Variants in GRIK3 observed in about 807,000 individuals in gnomAD.
GRIK3 encodes the protein glutamate receptor ionotropic, kainate 3.
A neutral mutation model predicts 102.5 loss-of-function variants in GRIK3; 29 were observed. That is an observed-to-expected ratio of 0.28 (90% CI 0.21 to 0.39). GRIK3 has a LOEUF of 0.39. Ranked by LOEUF, GRIK3 falls within the 10% of genes least tolerant of loss-of-function variation. The pLI is 1.00. For missense variants in GRIK3, 908 were observed against 1,252.4 expected, an observed-to-expected ratio of 0.73 and a Z score of 4.15; for synonymous variants, 511 against 504.9, an observed-to-expected ratio of 1.01 and a Z score of -0.16.
chr1:36,934,579 C>T (rs537191059), intron 1 of GRIK3, among the ~76,000 whole-genome samples: 2 of 152,280 alleles, frequency 1.3e-5, no homozygotes, highest in Non-Finnish European at 2.9e-5. Context: ...TTCCCGACCT[C>T]CCAGTCCTCA....
chr1:36,903,445 G>A (rs1394057281), intron 1 of GRIK3, among the ~76,000 whole-genome samples: 2 of 152,176 alleles, frequency 1.3e-5, no homozygotes, highest in Admixed American at 6.5e-5. Context: ...ACTCTTACAC[G>A]CAAGTGCAAT....
intron 1 of GRIK3, among the ~76,000 whole-genome samples, chr1:36,954,229 G>A (rs1438833529): frequency 2.0e-5 from 3 of 152,204 alleles, no homozygotes; most frequent in Non-Finnish European, 4.4e-5. Flanking sequence ...CCTCTCTCTA[G>A]CACACCTTAC....
chr1:36,970,994 G>T (rs569116352), intron 1 of GRIK3, among the ~76,000 whole-genome samples: 4 of 152,306 alleles, frequency 2.6e-5, no homozygotes, highest in African/African-American at 9.6e-5. Context: ...GCCATGCAAA[G>T]CTGTGAGACA....
intron 1 of GRIK3, among the ~76,000 whole-genome samples, chr1:36,965,177 C>A (rs1419085258): frequency 6.6e-6 from 1 of 152,142 alleles, no homozygotes; most frequent in Non-Finnish European, 1.5e-5. Context: ...CCTCGCCTGT[C>A]AAATGAACGA....
chr1:36,880,653 C>T lies in GRIK3; in HGVS notation c.531G>A (p.Val177=), dbSNP rs751614856. 6.2e-7 allele frequency: 1 copy of T among 1,614,124 alleles called. No individual in the cohort carries two copies. The highest frequency in any genetic ancestry group is 8.5e-7 in the Non-Finnish European group (1 of 1,179,988). Residue 177 remains valine (V), a synonymous_variant, in exon 3 of 16, where the codon GTG becomes GTA. Coordinates refer to ENST00000373091, the MANE Select transcript of GRIK3 (RefSeq NM_000831.4). This position sits in a 1 kb window ranked among gnomAD's most constrained non-coding sequence, Gnocchi z 5.4. The part of the protein sequence containing the change: ...VQYLKWRSAT[V]VYDDSTGLIR... Reference sequence around the variant, plus strand: ...ACCCACCTGTACTGTCGTCATAGACCACGGTGGCTGACCGCCACTTGAGGT... The same window carrying T: ...ACCCACCTGTACTGTCGTCATAGACTACGGTGGCTGACCGCCACTTGAGGT...
At chr1:37,026,792 C>G (rs1468324925) in intron 1 of GRIK3, among the ~76,000 whole-genome samples, 1 of 152,042 alleles carries the variant, frequency 6.6e-6, no homozygotes, top group Non-Finnish European at 1.5e-5. Flanking sequence ...CACATTTCAT[C>G]AGACCCAAGA....
intron 1 of GRIK3, among the ~76,000 whole-genome samples, chr1:37,019,214 G>A (rs1430133889): frequency 6.6e-6 from 1 of 152,164 alleles, no homozygotes; most frequent in Non-Finnish European, 1.5e-5. Flanking sequence ...GTTCAGTTCT[G>A]CTAAAAGACA....
At chr1:36,893,697 T>A (rs1047202890) in intron 1 of GRIK3, among the ~76,000 whole-genome samples, 1 of 152,110 alleles carries the variant, frequency 6.6e-6, no homozygotes, top group Non-Finnish European at 1.5e-5. Context: ...TATCTAGAAA[T>A]GGACTCTAAC....
chr1:37,025,741 T>C (rs1642758864), intron 1 of GRIK3, among the ~76,000 whole-genome samples: 1 of 152,254 alleles, frequency 6.6e-6, no homozygotes, highest in Non-Finnish European at 1.5e-5. Flanking sequence ...CCTGTCTGCA[T>C]CAGTCCCTTT....
intron 1 of GRIK3, among the ~76,000 whole-genome samples, chr1:36,897,524 C>T (rs1641184856): frequency 6.6e-6 from 1 of 152,052 alleles, no homozygotes; most frequent in African/African-American, 2.4e-5. Context: ...ATACAAATGG[C>T]AAGCAGGCAT....
At chr1:36,957,538 GT>G (rs1641933448) in intron 1 of GRIK3, among the ~76,000 whole-genome samples, 1 of 34,378 alleles carries the variant, frequency 2.9e-5, no homozygotes, top group African/African-American at 9.4e-5. Context: ...TGTGCCCCGT[GT>G]CCTGTGCCCC....
Position 36,859,931 on chromosome 1 carries a change from G to C in GRIK3, c.873C>G (p.His291Gln). 6.2e-7 allele frequency: 1 copy of C among 1,613,570 alleles called. No homozygotes were observed. Residue 291 changes from histidine (H) to glutamine (Q), a missense_variant, in exon 6 of 16, where the codon CAC becomes CAG. Around this residue, in one of 3 missense-constraint regions of GRIK3, gnomAD observed 585 missense variants for 824.9 expected, o/e 0.71. Coordinates refer to ENST00000373091, the MANE Select transcript of GRIK3 (RefSeq NM_000831.4). Reference sequence around the variant, plus strand: ...ACCACTTCTCCACAATGGCCGAGACGTGTGGGTTGTCCACATTGAGAATCC... The same window carrying C: ...ACCACTTCTCCACAATGGCCGAGACCTGTGGGTTGTCCACATTGAGAATCC... ...GFRILNVDNP[H>Q]VSAIVEKWSM... is the part of the protein sequence containing the mutation.
intron 1 of GRIK3, among the ~76,000 whole-genome samples, chr1:36,969,980 G>A (rs1642124214): frequency 6.6e-6 from 1 of 152,208 alleles, no homozygotes; most frequent in Admixed American, 6.5e-5. Flanking sequence ...TATAACATCA[G>A]TGTTATCTCC....
chr1:36,850,403 C>T lies in GRIK3; in HGVS notation c.1234G>A (p.Asp412Asn), dbSNP rs201211987. 698 of 1,612,552 alleles carry T rather than the reference C, an allele frequency of 4.3e-4. No homozygotes were observed. Among genetic ancestry groups the T allele is most frequent in the Non-Finnish European group, 4.7e-4 (556 of 1,178,598 alleles). ...GCAACCTCAGTGATGTTGAGCCCGT[C>T]GGCAGGACTCCACACCCCAACCTGG... ...LEKVGVWSPA[D>N]GLNITEVAKG... is the part of the protein sequence containing the mutation. The change falls in exon 9 of 16, where the codon GAC becomes AAC. Residue 412 changes from aspartate to asparagine, a missense_variant. Around this residue, in one of 3 missense-constraint regions of GRIK3, gnomAD observed 585 missense variants for 824.9 expected, o/e 0.71. Transcript: ENST00000373091. This position sits in a 1 kb window ranked among gnomAD's most constrained non-coding sequence, Gnocchi z 4.0.
chr1:36,885,508 A>G (rs1641028295), intron 2 of GRIK3, among the ~76,000 whole-genome samples: 1 of 152,176 alleles, frequency 6.6e-6, no homozygotes, highest in Admixed American at 6.5e-5. Context: ...GGTGGTGATG[A>G]TGATGATGAC....
intron 5 of GRIK3, among the ~76,000 whole-genome samples, chr1:36,862,957 A>G (rs1640743821): frequency 6.6e-6 from 1 of 152,154 alleles, no homozygotes; most frequent in African/African-American, 2.4e-5. Context: ...GTGTCTTCCT[A>G]CCTTACTCGT....
chr1:36,851,638 G>A (rs1570760060), intron 8 of GRIK3, among the ~76,000 whole-genome samples: 1 of 152,250 alleles, frequency 6.6e-6, no homozygotes, highest in Non-Finnish European at 1.5e-5. Flanking sequence ...GAGATGTGAG[G>A]CCAGTTAGGA....
intron 15 of GRIK3, among the ~76,000 whole-genome samples, chr1:36,803,317 G>A (rs1282045290): frequency 6.6e-6 from 1 of 152,244 alleles, no homozygotes; most frequent in African/African-American, 2.4e-5. Context: ...CTGAACAGGA[G>A]TGGAGCAGAG....
chr1:36,860,034 C>T lies in GRIK3; in HGVS notation c.787-17G>A, dbSNP rs1640702767. ...GTAGAGATCCTGGATAGAGAGAGGT[C>T]TGTGTAAACCAAGGCATGCTCACTG... On this transcript the variant is annotated splice_polypyrimidine_tract_variant and intron_variant, in intron 5 of 15. Transcript: ENST00000373091. 1.3e-6 allele frequency: 2 copies of T among 1,547,198 alleles called. No individual in the cohort carries two copies. Among genetic ancestry groups the T allele is most frequent in the Non-Finnish European group, 1.7e-6 (2 of 1,145,262 alleles).
Sources: gnomAD v4.1 joint callset for allele counts (sites outside exome capture counted in the v4.1 genomes callset) on GRCh38, gnomAD v4.1.1 for gene constraint, gnomAD v4.1.1 regional missense constraint, Gnocchi (gnomAD v3.1) non-coding constraint, MANE v1.5 for transcripts, NCBI Gene and HGNC (gene_info 2026-07-23, HGNC 2026-07-21) for gene names.